Variants in ELFN1 observed in about 807,000 individuals in gnomAD.
The protein encoded by ELFN1 is extracellular leucine rich repeat and fibronectin type III domain containing 1, also known as protein ELFN1.
In ELFN1, 6 loss-of-function variants were observed where a neutral mutation model predicts 7.6. The ratio of observed to expected loss-of-function variants is 0.79; its 90% CI spans 0.43 to 1.56. ELFN1 has a LOEUF of 1.56. Among genes scored for constraint, ELFN1 ranks in the 40% most tolerant of loss-of-function variants. ELFN1 has a pLI of 0.01. For missense variants in ELFN1, 1,169 were observed against 1,232.2 expected, an observed-to-expected ratio of 0.95 and a Z score of 0.77; for synonymous variants, 657 against 588.1, an observed-to-expected ratio of 1.12 and a Z score of -1.70.
Position 1,744,515 on chromosome 7 carries a change from C to A in ELFN1, c.-82C>A. 1 of 1,399,182 alleles carries A rather than the reference C, an allele frequency of 7.1e-7. No individual in the cohort carries two copies. The highest frequency in any genetic ancestry group is 9.3e-7 in the Non-Finnish European group (1 of 1,071,566). The allele number at this position is 1,399,182 out of a possible 1,614,324, so 86.7% of individuals were successfully genotyped here. A position where few individuals can be genotyped will look rare whatever the true frequency, so the allele number is the denominator to read the frequency against. Reference sequence around the variant, plus strand: ...CAGGCACCTCCCCCTCCCGCCCCTCCATCCCTCTGGGGGCTGGCGCCTGGC... The same window carrying A: ...CAGGCACCTCCCCCTCCCGCCCCTCAATCCCTCTGGGGGCTGGCGCCTGGC... On this transcript the variant is annotated 5_prime_UTR_variant, in exon 4 of 4. Transcript: ENST00000424383.
chr7:1,730,004 G>A (rs549282723), intron 3 of ELFN1, among the ~76,000 whole-genome samples: 111 of 152,336 alleles, frequency 7.3e-4, no homozygotes, highest in African/African-American at 2.6e-3. Context: ...CACCCTCCAA[G>A]GCCCTCGGCA....
chr7:1,745,961 G>C lies in ELFN1; in HGVS notation c.1365G>C (p.Ser455=). 6.5e-7 allele frequency: 1 copy of C among 1,546,984 alleles called. No homozygotes were observed. The highest frequency in any genetic ancestry group is 8.7e-7 in the Non-Finnish European group (1 of 1,144,986). The change falls in exon 4 of 4, where the codon TCG becomes TCC. Residue 455 remains serine, a synonymous_variant. Coordinates refer to ENST00000424383, the MANE Select transcript of ELFN1 (RefSeq NM_001128636.4). ...RQEEKHKKAA[S]AAAAGSLKKT... ...AGGAGAAGCACAAGAAGGCCGCCTC[G>C]GCAGCCGCAGCTGGCAGCCTCAAGA...
intron 3 of ELFN1, among the ~76,000 whole-genome samples, chr7:1,725,945 C>T (rs1265485346): frequency 6.9e-6 from 1 of 144,018 alleles, no homozygotes; most frequent in Non-Finnish European, 1.5e-5. Context: ...CACAAATACA[C>T]ACGCACAAAA....
At chr7:1,667,791 G>A (rs747785656), upstream of ELFN1, among the ~76,000 whole-genome samples, 168 of 152,314 alleles carry the variant, frequency 1.1e-3, no homozygotes, top group Admixed American at 2.0e-3. This position sits in a 1 kb window ranked among gnomAD's most constrained non-coding sequence, Gnocchi z 8.2. Flanking sequence ...GGGTCTGGGG[G>A]AGGGGCAGGG....
intron 1 of ELFN1, among the ~76,000 whole-genome samples, chr7:1,672,920 G>A (rs1370563049): frequency 6.6e-6 from 1 of 152,088 alleles, no homozygotes; most frequent in East Asian, 1.9e-4. Flanking sequence ...TACACGAGGG[G>A]GCCGGTGGCG....
intron 2 of ELFN1, among the ~76,000 whole-genome samples, chr7:1,708,688 C>T (rs1174854692): frequency 1.3e-5 from 2 of 151,964 alleles, no homozygotes; most frequent in African/African-American, 2.4e-5. Flanking sequence ...AAGGTTCCCA[C>T]GGACCCAACA....
chr7:1,675,250 G>A (rs931963277), intron 1 of ELFN1, among the ~76,000 whole-genome samples: 5 of 152,308 alleles, frequency 3.3e-5, no homozygotes, highest in Middle Eastern at 3.4e-3. Context: ...TCTGTCAGAG[G>A]GCTTGTCACA....
chr7:1,699,807 G>C (rs528033671), intron 2 of ELFN1, among the ~76,000 whole-genome samples: 3 of 152,092 alleles, frequency 2.0e-5, no homozygotes, highest in African/African-American at 7.2e-5. Context: ...AGGTTCAAGC[G>C]ATTCTCCTGC....
intron 3 of ELFN1, among the ~76,000 whole-genome samples, chr7:1,716,313 G>A (rs1366605693): frequency 6.6e-6 from 1 of 152,200 alleles, no homozygotes; most frequent in African/African-American, 2.4e-5. Flanking sequence ...GTGCTGTGGA[G>A]GCCCCAGGGG....
rs990424765 is a variant in ELFN1 at position 1,735,292 on chromosome 7, C to T, written c.-293-9012C>T. On this transcript the variant is annotated intron_variant, in intron 3 of 3. Coordinates refer to ENST00000424383, the MANE Select transcript of ELFN1 (RefSeq NM_001128636.4). The surrounding 1 kb of genome is among the most constrained non-coding windows in gnomAD (Gnocchi z 5.9). Reference sequence around the variant, plus strand: ...GGGGAGCCCTGCAGCTTCCATGAGTCGTGTGGATGGCCCAAGGTCACATGG... The same window carrying T: ...GGGGAGCCCTGCAGCTTCCATGAGTTGTGTGGATGGCCCAAGGTCACATGG... Among the ~76,000 whole-genome samples, 4 of 152,234 alleles carry T rather than the reference C, an allele frequency of 2.6e-5. No homozygotes were observed. Among genetic ancestry groups the T allele is most frequent in the South Asian group, 2.1e-4 (1 of 4,826 alleles).
intron 1 of ELFN1, among the ~76,000 whole-genome samples, chr7:1,678,356 C>T (rs1482537192): frequency 6.6e-6 from 1 of 152,240 alleles, no homozygotes; most frequent in Admixed American, 6.5e-5. Context: ...GGGCTCAGAG[C>T]AGCTCTCCCG....
intron 3 of ELFN1, among the ~76,000 whole-genome samples, chr7:1,733,342 G>A (rs988051943): frequency 2.0e-5 from 3 of 152,188 alleles, no homozygotes; most frequent in African/African-American, 4.8e-5. Context: ...GCTGGTGGCC[G>A]GGGAAGCCTC....
chr7:1,722,402 G>C (rs1339085850), intron 3 of ELFN1, among the ~76,000 whole-genome samples: 1 of 151,914 alleles, frequency 6.6e-6, no homozygotes, highest in Non-Finnish European at 1.5e-5. Context: ...AAGTAGTTGG[G>C]ATTACAGGTG....
Position 1,745,749 on chromosome 7 carries a change from A to G in ELFN1, c.1153A>G (p.Ser385Gly), listed in dbSNP as rs1232927961. 3.2e-6 allele frequency: 5 copies of G among 1,551,472 alleles called. No homozygotes were observed. Among genetic ancestry groups the G allele is most frequent in the Non-Finnish European group, 3.5e-6 (4 of 1,147,316 alleles). The change falls in exon 4 of 4, where the codon AGC (serine) becomes GGC (glycine). Residue 385 changes from serine (S) to glycine (G), a missense_variant. Physicochemically the swap from Ser to Gly is moderately conservative, Grantham distance 56. This residue lies in a region of ELFN1 where 914 missense variants were observed against 872.6 expected (regional missense o/e 1.05). Coordinates refer to ENST00000424383, the MANE Select transcript of ELFN1 (RefSeq NM_001128636.4). ...CTACACCTACTGCGTGGTGTCCACC[A>G]GCGCCGGGCTGCGCCACAACCACAC... ...TNYTYCVVST[S>G]AGLRHNHTCL...
chr7:1,710,746 G>A (rs1779631955), intron 3 of ELFN1, among the ~76,000 whole-genome samples: 1 of 152,328 alleles, frequency 6.6e-6, no homozygotes, highest in African/African-American at 2.4e-5. Context: ...GGTCCCCAGG[G>A]CAGGCTGCTC....
Position 1,745,454 on chromosome 7 carries a change from C to G in ELFN1, c.858C>G (p.Asp286Glu). 6.5e-7 allele frequency: 1 copy of G among 1,541,034 alleles called. No homozygotes were observed. The highest frequency in any genetic ancestry group is 8.7e-7 in the Non-Finnish European group (1 of 1,146,614). The change falls in exon 4 of 4, where the codon GAC becomes GAG. Residue 286 changes from aspartate (D) to glutamate (E), a missense_variant. By Grantham distance (45) the Asp-to-Glu change is conservative (BLOSUM62 2). Coordinates refer to ENST00000424383, the MANE Select transcript of ELFN1 (RefSeq NM_001128636.4). ...CCCCGCCTCCGCCGGAGCCCAGTGA[C>G]ATGCCCTGTGCCGATGATGAGTGCT... ...PPPPPPPEPS[D>E]MPCADDECFS...
chr7:1,671,183 T>TA, intron 1 of ELFN1, among the ~76,000 whole-genome samples: 1 of 130,044 alleles, frequency 7.7e-6, no homozygotes, highest in African/African-American at 2.9e-5. Context: ...CCCCCCCCCA[T>TA]AAAAACGACA....
intron 3 of ELFN1, among the ~76,000 whole-genome samples, chr7:1,731,980 T>C (rs1163241838): frequency 6.6e-6 from 1 of 152,238 alleles, no homozygotes; most frequent in East Asian, 1.9e-4. Flanking sequence ...AGCTATGGAG[T>C]TAATATTTCC....
chr7:1,745,222 C>T lies in ELFN1; in HGVS notation c.626C>T (p.Thr209Ile), dbSNP rs1273087054. ...TTCCTGCGCTGGCTGGCCGCCTTCACCAACGCCACACAGACGTACGACCGC... is the reference window on the plus strand; with the variant it reads ...TTCCTGCGCTGGCTGGCCGCCTTCATCAACGCCACACAGACGTACGACCGC... ...LGFLRWLAAF[T>I]NATQTYDRMQ... Residue 209 changes from threonine to isoleucine, a missense_variant, in exon 4 of 4, where the codon ACC becomes ATC. Physicochemically the swap from Thr to Ile is moderately conservative, Grantham distance 89. Coordinates refer to ENST00000424383, the MANE Select transcript of ELFN1 (RefSeq NM_001128636.4). The T allele has an allele frequency of 6.5e-7, 1 of 1,542,590 alleles. No individual in the cohort carries two copies. The highest frequency in any genetic ancestry group is 8.7e-7 in the Non-Finnish European group (1 of 1,146,910).
Sources: gnomAD v4.1 joint callset for allele counts (sites outside exome capture counted in the v4.1 genomes callset) on GRCh38, gnomAD v4.1.1 for gene constraint, gnomAD v4.1.1 regional missense constraint, Gnocchi (gnomAD v3.1) non-coding constraint, MANE v1.5 for transcripts, NCBI Gene and HGNC (gene_info 2026-07-23, HGNC 2026-07-21) for gene names.